The following GRM8 variants were observed in gnomAD, a reference collection of about 807,000 sequenced individuals.
The protein encoded by GRM8 is metabotropic glutamate receptor 8.
GRM8 carries 47 observed loss-of-function variants against 87.2 expected under a neutral mutation model. That is an observed-to-expected ratio of 0.54 (90% CI 0.43 to 0.69). The LOEUF (loss-of-function observed/expected upper bound fraction) is 0.69. Among genes scored for constraint, GRM8 ranks in the 30% least tolerant of loss-of-function variants. The pLI, the probability that GRM8 is intolerant of heterozygous loss-of-function variation, is 0.00. For synonymous variants in GRM8, 396 were observed against 404.5 expected, an observed-to-expected ratio of 0.98 and a Z score of 0.25; for missense variants, 1,019 against 1,139.2, an observed-to-expected ratio of 0.89 and a Z score of 1.52.
intron 8 of GRM8, among the ~76,000 whole-genome samples, chr7:126,587,583 A>C (rs1313398034): frequency 6.6e-6 from 1 of 151,926 alleles, no homozygotes; most frequent in African/African-American, 2.4e-5. Flanking sequence ...AGGGACAAAA[A>C]AACCAAACAC....
intron 6 of GRM8, among the ~76,000 whole-genome samples, chr7:126,822,293 A>C (rs1360221502): frequency 6.6e-6 from 1 of 152,150 alleles, no homozygotes; most frequent in Non-Finnish European, 1.5e-5. Context: ...TTTAAAAGAA[A>C]CTTCTCAAGC....
intron 7 of GRM8, among the ~76,000 whole-genome samples, chr7:126,669,340 T>G (rs890382988): frequency 1.1e-4 from 16 of 151,848 alleles, no homozygotes; most frequent in African/African-American, 2.7e-4. Context: ...AAATTAAAAA[T>G]TTTTAAAAAA....
intron 8 of GRM8, among the ~76,000 whole-genome samples, chr7:126,552,336 C>A (rs1032808615): frequency 1.3e-5 from 2 of 152,020 alleles, no homozygotes; most frequent in Admixed American, 1.3e-4. Flanking sequence ...TACTTTGGCT[C>A]CATATTATTT....
intron 2 of GRM8, among the ~76,000 whole-genome samples, chr7:127,125,370 C>T (rs1030882781): frequency 6.6e-6 from 1 of 151,938 alleles, no homozygotes; most frequent in South Asian, 2.1e-4. Flanking sequence ...AACTTCTCAA[C>T]AAATGGTGCT....
chr7:127,126,235 TC>T (rs1186181528), intron 2 of GRM8, among the ~76,000 whole-genome samples: 1 of 152,018 alleles, frequency 6.6e-6, no homozygotes, highest in East Asian at 1.9e-4. Flanking sequence ...AACTTAAGTG[TC>T]CATCAGTGGA....
chr7:126,688,401 A>G (rs762467995), intron 7 of GRM8, among the ~76,000 whole-genome samples: 17 of 152,194 alleles, frequency 1.1e-4, no homozygotes, highest in African/African-American at 4.1e-4. Context: ...ACTCTTGACT[A>G]GAGAAATTTT....
chr7:127,031,092 A>G (rs1466302658), intron 3 of GRM8, among the ~76,000 whole-genome samples: 1 of 152,104 alleles, frequency 6.6e-6, no homozygotes, highest in East Asian at 1.9e-4. Flanking sequence ...GAGGAACCAC[A>G]CAGTTGGTTC....
intron 2 of GRM8, among the ~76,000 whole-genome samples, chr7:127,140,782 CT>C (rs1320537438): frequency 6.6e-6 from 1 of 152,158 alleles, no homozygotes; most frequent in Non-Finnish European, 1.5e-5. Flanking sequence ...GTTACTCCTG[CT>C]GTTTGTCATT....
intron 2 of GRM8, among the ~76,000 whole-genome samples, chr7:127,141,793 T>C (rs894718633): frequency 6.6e-6 from 1 of 151,662 alleles, no homozygotes; most frequent in Non-Finnish European, 1.5e-5. Context: ...TTTGCAATCC[T>C]CTGCCTTTAT....
chr7:126,906,480 C>A (rs1362599948), intron 3 of GRM8, among the ~76,000 whole-genome samples: 1 of 152,130 alleles, frequency 6.6e-6, no homozygotes, highest in Non-Finnish European at 1.5e-5. Flanking sequence ...CCACACCGCA[C>A]TGGTCTCCTA....
intron 6 of GRM8, among the ~76,000 whole-genome samples, chr7:126,825,761 G>A (rs1037772405): frequency 1.3e-5 from 2 of 152,056 alleles, no homozygotes; most frequent in African/African-American, 4.8e-5. Flanking sequence ...GGGTACAGGT[G>A]CACAATGTGC....
chr7:126,504,362 TAA>T (rs752888106), intron 9 of GRM8, among the ~76,000 whole-genome samples: 4 of 152,220 alleles, frequency 2.6e-5, no homozygotes, highest in Non-Finnish European at 5.9e-5. Context: ...TCTGTTATTA[TAA>T]GTCAAAATGT....
intron 6 of GRM8, among the ~76,000 whole-genome samples, chr7:126,857,567 A>G (rs888581637): frequency 6.6e-6 from 1 of 152,208 alleles, no homozygotes; most frequent in Non-Finnish European, 1.5e-5. Flanking sequence ...TGTGCCTACA[A>G]AATCATTTCT....
chr7:126,816,817 G>A (rs1489307905), intron 6 of GRM8, among the ~76,000 whole-genome samples: 1 of 151,412 alleles, frequency 6.6e-6, no homozygotes. Flanking sequence ...CAAATAGTAT[G>A]ACAAATCTCA....
chr7:127,040,507 C>T (rs146768140), intron 3 of GRM8, among the ~76,000 whole-genome samples: 1,607 of 152,102 alleles, frequency 0.011, 11 homozygotes, highest in Non-Finnish European at 0.014. Context: ...ATTTCATGCT[C>T]TACAAGAGTA....
intron 3 of GRM8, among the ~76,000 whole-genome samples, chr7:126,969,166 A>G (rs1025867484): frequency 6.6e-5 from 10 of 152,266 alleles, no homozygotes; most frequent in African/African-American, 1.7e-4. Flanking sequence ...TCTTGCCCCA[A>G]TGTTGATGGC....
chr7:127,039,658 GAGGGGA>G (rs1270232442), intron 3 of GRM8, among the ~76,000 whole-genome samples: 1 of 91,086 alleles, frequency 1.1e-5, no homozygotes, highest in African/African-American at 4.4e-5. Context: ...AAGGGCAAGA[GAGGGGA>G]AGGGGAAGGG....
At chr7:127,162,714 A>G (rs1793195930) in intron 2 of GRM8, among the ~76,000 whole-genome samples, 1 of 152,182 alleles carries the variant, frequency 6.6e-6, no homozygotes. Flanking sequence ...AATGAACCAG[A>G]ACTACTTTTT....
At chr7:126,627,664 C>A (rs1395152423) in intron 7 of GRM8, among the ~76,000 whole-genome samples, 1 of 152,016 alleles carries the variant, frequency 6.6e-6, no homozygotes, top group East Asian at 1.9e-4. Context: ...CAGTTAGTAT[C>A]ATATTCATTT....
Sources: gnomAD v4.1 joint callset for allele counts (sites outside exome capture counted in the v4.1 genomes callset) on GRCh38, gnomAD v4.1.1 for gene constraint, MANE v1.5 for transcripts, NCBI Gene and HGNC (gene_info 2026-07-23, HGNC 2026-07-21) for gene names.